The following NCOA2 variants were observed in gnomAD, a reference collection of about 807,000 sequenced individuals.
NCOA2 encodes the protein class E basic helix-loop-helix protein 75.
NCOA2 carries 21 observed loss-of-function variants against 145.1 expected under a neutral mutation model. That is an observed-to-expected ratio of 0.14 (90% CI 0.10 to 0.21). The LOEUF (loss-of-function observed/expected upper bound fraction) is 0.21, where lower values mean the gene tolerates loss of function less well. NCOA2 is among the 10% of genes least tolerant of loss of function. The pLI is 1.00. For synonymous variants in NCOA2, 619 were observed against 637.5 expected (o/e 0.97, Z 0.44); for missense variants, 1,472 against 1,837.6 (o/e 0.80, Z 3.64).
chr8:70,183,728 C>T (rs886620723), intron 4 of NCOA2, among the ~76,000 whole-genome samples: 2 of 152,212 alleles, frequency 1.3e-5, no homozygotes, highest in Non-Finnish European at 1.5e-5. Context: ...CCCCTGCCGC[C>T]GTGCTTCTGT....
chr8:70,451,044 T>G, the NCOA2 span, among the ~76,000 whole-genome samples: 1 of 149,454 alleles, frequency 6.7e-6, no homozygotes, highest in Non-Finnish European at 1.5e-5. Context: ...GGTGAAAGCC[T>G]GTCTCTACAA....
chr8:70,374,769 T>G (rs1055312912), intron 1 of NCOA2, among the ~76,000 whole-genome samples: 4 of 149,236 alleles, frequency 2.7e-5, no homozygotes, highest in African/African-American at 9.9e-5. Flanking sequence ...GCTACTGCAC[T>G]CTAGACAGAG....
chr8:70,411,459 TA>T, the NCOA2 span, among the ~76,000 whole-genome samples: 1 of 152,360 alleles, frequency 6.6e-6, no homozygotes, highest in East Asian at 1.9e-4. Context: ...TGTGTTACTA[TA>T]TATTAGAAAC....
At chr8:70,276,963 A>G (rs1825514631) in intron 2 of NCOA2, among the ~76,000 whole-genome samples, 1 of 152,228 alleles carries the variant, frequency 6.6e-6, no homozygotes, top group Non-Finnish European at 1.5e-5. Flanking sequence ...AGAATGAATA[A>G]CATAATAAAG....
At chr8:70,441,553 AAG>A in the NCOA2 span, among the ~76,000 whole-genome samples, 1 of 151,012 alleles carries the variant, frequency 6.6e-6, no homozygotes, top group Non-Finnish European at 1.5e-5. Context: ...GAGAGAAAGA[AAG>A]AGGAAAGAGA....
intron 6 of NCOA2, 68 bp from the exon 7 acceptor site, chr8:70,166,822 T>A: frequency 7.4e-7 from 1 of 1,355,548 alleles, no homozygotes; most frequent in Non-Finnish European, 1.0e-6. Flanking sequence ...TCTGAATTAT[T>A]AAAATGATGT....
chr8:70,430,947 C>T, the NCOA2 span, among the ~76,000 whole-genome samples: 1 of 152,064 alleles, frequency 6.6e-6, no homozygotes, highest in African/African-American at 2.4e-5. Context: ...AATGGATTTA[C>T]GAAATCTGGC....
At chr8:70,155,562 A>G (rs1812182417) in intron 11 of NCOA2, among the ~76,000 whole-genome samples, 1 of 152,180 alleles carries the variant, frequency 6.6e-6, no homozygotes, top group Non-Finnish European at 1.5e-5. Context: ...AAACATTTTA[A>G]ATATTTTGTG....
intron 9 of NCOA2, among the ~76,000 whole-genome samples, 167 bp downstream of exon 9, chr8:70,162,544 T>C (rs1302982518): frequency 1.3e-5 from 2 of 152,244 alleles, no homozygotes; most frequent in East Asian, 3.9e-4. Flanking sequence ...TCTTCTGTCC[T>C]ACAGGTTCTC....
In NCOA2 at chr8:70,375,091, G is replaced by A. The variant is rs552954088; in HGVS notation, c.-77+28609C>T. Among the ~76,000 whole-genome samples, 16 of 152,046 alleles carry A rather than the reference G, an allele frequency of 1.1e-4. No homozygotes were observed. The East Asian group carries it at 2.3e-3, about 22-fold the overall frequency. Reference sequence around the variant, plus strand: ...AAACTGCAAACTATTAACTCTCATCGGGGGAGAGTGATTATTCCAAGAAGA... The same window carrying A: ...AAACTGCAAACTATTAACTCTCATCAGGGGAGAGTGATTATTCCAAGAAGA... On this transcript the variant is annotated intron_variant, in intron 1 of 22. Transcript: ENST00000452400.
At chr8:70,451,610 C>T in the NCOA2 span, among the ~76,000 whole-genome samples, 1 of 151,832 alleles carries the variant, frequency 6.6e-6, no homozygotes, top group African/African-American at 2.4e-5. Flanking sequence ...AGATTCCTTT[C>T]CACAGCATAT....
chr8:70,437,348 G>A, the NCOA2 span, among the ~76,000 whole-genome samples: 2 of 152,156 alleles, frequency 1.3e-5, no homozygotes, highest in Non-Finnish European at 2.9e-5. Context: ...GCTCCACGGG[G>A]GCACCAACTG....
Position 70,250,417 on chromosome 8 carries a change from A to G in NCOA2, c.-19-33653T>C, listed in dbSNP as rs572110687. Among the ~76,000 whole-genome samples the G allele has an allele frequency of 7.2e-3, 1,051 of 145,646 alleles. 9 individuals are homozygous for G. The highest frequency in any genetic ancestry group is 0.025 in the South Asian group (119 of 4,682). ...CAAAAAAAAAAAAAAAAAAAAAAAAAAAAAGTCAGCCGAGCGTGGTGGCAC... is the reference window on the plus strand; with the variant it reads ...CAAAAAAAAAAAAAAAAAAAAAAAAGAAAAGTCAGCCGAGCGTGGTGGCAC... On this transcript the variant is annotated intron_variant, in intron 2 of 22. Transcript: ENST00000452400.
chr8:70,110,578 A>G lies in NCOA2; in HGVS notation c.*3054T>C, dbSNP rs902662399. 1 of 207,714 alleles carries G rather than the reference A, an allele frequency of 4.8e-6. No homozygotes were observed. Among genetic ancestry groups the G allele is most frequent in the Non-Finnish European group, 9.8e-6 (1 of 101,946 alleles). 12.9% of individuals were successfully genotyped at this position (207,714 alleles called of 1,614,324 possible). ...ACCAACAATTAATGGCTTAAGTTGC[A>G]TTTCAAAACTGATTGTGTATCTTTG... On this transcript the variant is annotated 3_prime_UTR_variant, in exon 23 of 23. Coordinates refer to ENST00000452400, the MANE Select transcript of NCOA2 (RefSeq NM_006540.4).
intron 2 of NCOA2, among the ~76,000 whole-genome samples, chr8:70,242,685 A>T (rs1586225426): frequency 6.6e-6 from 1 of 152,106 alleles, no homozygotes; most frequent in Admixed American, 6.6e-5. Flanking sequence ...CACAGAATTC[A>T]AATGTCTCTA....
At chr8:70,318,426 CCTAA>C (rs912229788) in intron 1 of NCOA2, among the ~76,000 whole-genome samples, 1 of 152,142 alleles carries the variant, frequency 6.6e-6, no homozygotes, top group Non-Finnish European at 1.5e-5. Flanking sequence ...TCTGTGGCTC[CCTAA>C]CTGACACACC....
At chr8:70,116,071 C>T (rs548559187) in intron 22 of NCOA2, among the ~76,000 whole-genome samples, 1 of 151,460 alleles carries the variant, frequency 6.6e-6, no homozygotes, top group South Asian at 2.1e-4. Context: ...CCTGTAGTCC[C>T]AGCTACTAGG....
chr8:70,141,394 T>G lies in NCOA2; in HGVS notation c.2818A>C (p.Ile940Leu), dbSNP rs1045460055. The G allele has an allele frequency of 6.2e-7, 1 of 1,613,586 alleles. No homozygotes were observed. The highest frequency in any genetic ancestry group is 8.5e-7 in the Non-Finnish European group (1 of 1,179,738). ...GNLGNSSTGM[I>L]GNSASRPTMP... is the part of the protein sequence containing the mutation. ...GTAGGCCGAGAAGCACTGTTACCAA[T>G]CATTCCTGCATGCAAGCCAAAGAAA... is the stretch of plus-strand genomic sequence containing the variant. The change falls in exon 14 of 23, where the codon ATT (isoleucine) becomes CTT (leucine). Residue 940 changes from isoleucine to leucine, a missense_variant. Ile to Leu is a conservative substitution (Grantham distance 5). Transcript: ENST00000452400.
At position 70,332,952 on chromosome 8, in the gene NCOA2, A is replaced by T. The variant is rs566355754; in HGVS notation, c.-76-36152T>A. Among the ~76,000 whole-genome samples the T allele has an allele frequency of 4.6e-5, 7 of 152,340 alleles. No homozygotes were observed. The South Asian group carries it at 1.4e-3, about 32-fold the overall frequency. On this transcript the variant is annotated intron_variant, in intron 1 of 22. Coordinates refer to ENST00000452400, the MANE Select transcript of NCOA2 (RefSeq NM_006540.4). ...TATAGTCATTAACTACAGTTACCAGATTAGGCCTGAAAGGTAAATATGATT... is the reference window on the plus strand; with the variant it reads ...TATAGTCATTAACTACAGTTACCAGTTTAGGCCTGAAAGGTAAATATGATT...
Sources: allele counts gnomAD v4.1 joint callset (sites outside exome capture counted in the v4.1 genomes callset), GRCh38; gene constraint gnomAD v4.1.1; transcripts MANE v1.5; gene names NCBI Gene and HGNC (gene_info 2026-07-23, HGNC 2026-07-21).